Variants in SNX24 observed in about 807,000 individuals in gnomAD.
SNX24 encodes the protein sorting nexin 24, also known as sorting nexin-24.
SNX24 carries 22 observed loss-of-function variants against 28.7 expected under a neutral mutation model. The observed-to-expected ratio is 0.77, with a 90% CI of 0.55 to 1.10. The LOEUF is 1.10. Ranked by LOEUF, SNX24 falls within the 50% of genes least tolerant of loss-of-function variation. The pLI, the probability that SNX24 is intolerant of heterozygous loss-of-function variation, is 0.00. For synonymous variants in SNX24, 69 were observed against 71.5 expected, an observed-to-expected ratio of 0.96 and a Z score of 0.18; for missense variants, 221 against 201.1, an observed-to-expected ratio of 1.10 and a Z score of -0.60.
chr5:122,896,269 A>G (rs941348718), intron 1 of SNX24, among the ~76,000 whole-genome samples: 4 of 152,204 alleles, frequency 2.6e-5, no homozygotes, highest in Non-Finnish European at 5.9e-5. Flanking sequence ...TATGGCAGAC[A>G]TTGATGATTG....
At chr5:122,884,566 TA>T (rs933110751) in intron 1 of SNX24, among the ~76,000 whole-genome samples, 3 of 151,182 alleles carry the variant, frequency 2.0e-5, no homozygotes, top group East Asian at 1.9e-4. Context: ...CTTTATCACA[TA>T]AAAAAAAATG....
intron 3 of SNX24, among the ~76,000 whole-genome samples, chr5:122,949,874 T>C (rs1289321337): frequency 1.3e-5 from 2 of 152,202 alleles, no homozygotes; most frequent in African/African-American, 4.8e-5. Context: ...AAATCTATAA[T>C]TAATCAGGGA....
At chr5:122,951,314 C>A (rs193540) in intron 3 of SNX24, among the ~76,000 whole-genome samples, 114,288 of 148,872 alleles carry the variant, frequency 0.77, 44,727 homozygotes, top group East Asian at 0.99. Flanking sequence ...AGTCATAAAT[C>A]TCCTTGACTT....
At chr5:122,902,014 A>G (rs1279195153) in intron 1 of SNX24, among the ~76,000 whole-genome samples, 2 of 152,222 alleles carry the variant, frequency 1.3e-5, no homozygotes, top group East Asian at 1.9e-4. Flanking sequence ...CTATCTGCCC[A>G]GTTTTCCAAC....
chr5:122,847,692 C>G (rs980797978), intron 1 of SNX24, among the ~76,000 whole-genome samples: 3 of 152,134 alleles, frequency 2.0e-5, no homozygotes, highest in Middle Eastern at 3.4e-3. Context: ...CAGGGTTTCT[C>G]CATGTTGCCC....
At chr5:122,975,813 T>G (rs1452715201) in intron 3 of SNX24, among the ~76,000 whole-genome samples, 2 of 152,190 alleles carry the variant, frequency 1.3e-5, no homozygotes, top group African/African-American at 2.4e-5. Flanking sequence ...CTGCAAAGAT[T>G]AAAACAAAAC....
At chr5:122,893,334 A>G (rs1757062251) in intron 1 of SNX24, among the ~76,000 whole-genome samples, 3 of 151,542 alleles carry the variant, frequency 2.0e-5, no homozygotes, top group Admixed American at 2.0e-4. Flanking sequence ...TAAGATATGC[A>G]GGTTCACCTT....
chr5:122,845,750 C>A, intron 1 of SNX24, 57 bp downstream of exon 1: 1 of 1,104,220 alleles, frequency 9.1e-7, no homozygotes, highest in Non-Finnish European at 1.2e-6. Context: ...GGCTGCTGCG[C>A]CCAGGAAACA....
downstream of SNX24, among the ~76,000 whole-genome samples, chr5:123,011,587 G>C (rs1400000009): frequency 6.6e-6 from 1 of 152,142 alleles, no homozygotes; most frequent in Admixed American, 6.5e-5. Context: ...AACTTTGATC[G>C]ATTGACAATG....
chr5:122,846,280 G>A (rs11241662), intron 1 of SNX24, among the ~76,000 whole-genome samples: 122,441 of 151,978 alleles, frequency 0.81, 50,097 homozygotes, highest in East Asian at 0.99. Flanking sequence ...TCACCGAGAA[G>A]TGTGAAACAG....
In SNX24 at chr5:122,907,012, A is replaced by G. The variant is rs143269105; in HGVS notation, c.61-29722A>G. ...AGGAGATGATTTAAGTGGTGCCTAG[A>G]CATTGAATAACATTGACTCAAAAAG... On this transcript the variant is annotated intron_variant, in intron 1 of 6. Coordinates refer to ENST00000261369, the MANE Select transcript of SNX24 (RefSeq NM_014035.4). 3.2e-3 allele frequency among the ~76,000 whole-genome samples: 494 copies of G among 152,278 alleles called. 11 individuals are homozygous for G. Among genetic ancestry groups the G allele is most frequent in the Admixed American group, 0.027 (410 of 15,292 alleles).
At chr5:122,924,179 A>G (rs549237880) in intron 1 of SNX24, among the ~76,000 whole-genome samples, 1 of 152,310 alleles carries the variant, frequency 6.6e-6, no homozygotes, top group Admixed American at 6.5e-5. Context: ...TCCTATATAC[A>G]GACACCTGTG....
intron 3 of SNX24, among the ~76,000 whole-genome samples, chr5:122,964,001 G>A (rs151076108): frequency 2.6e-5 from 4 of 152,118 alleles, no homozygotes; most frequent in Admixed American, 1.3e-4. Context: ...CCAGGACTTC[G>A]GGAGGCTGAG....
At chr5:122,883,512 TG>T (rs2150063123) in intron 1 of SNX24, among the ~76,000 whole-genome samples, 1 of 152,376 alleles carries the variant, frequency 6.6e-6, no homozygotes, top group South Asian at 2.1e-4. Flanking sequence ...GCTTTAGTGA[TG>T]GTTAGCTTTT....
At chr5:122,896,042 G>A (rs1467591464) in intron 1 of SNX24, among the ~76,000 whole-genome samples, 5 of 152,266 alleles carry the variant, frequency 3.3e-5, no homozygotes, top group South Asian at 2.1e-4. Context: ...CCAGCTACTC[G>A]AGAGGCTGAG....
intron 1 of SNX24, among the ~76,000 whole-genome samples, chr5:122,891,840 A>G (rs1259952961): frequency 6.6e-6 from 1 of 152,194 alleles, no homozygotes; most frequent in Non-Finnish European, 1.5e-5. Flanking sequence ...AATGTTAGTT[A>G]TTGACTTGTG....
chr5:122,847,293 A>G (rs1481591857), intron 1 of SNX24, among the ~76,000 whole-genome samples: 1 of 152,058 alleles, frequency 6.6e-6, no homozygotes, highest in African/African-American at 2.4e-5. Context: ...CCAAAGCTTT[A>G]TGTATCTTTT....
At chr5:122,927,270 C>T (rs1188705486) in intron 1 of SNX24, among the ~76,000 whole-genome samples, 1 of 152,160 alleles carries the variant, frequency 6.6e-6, no homozygotes, top group Non-Finnish European at 1.5e-5. Flanking sequence ...GATTCAAATC[C>T]AAGGAGTTTG....
intron 1 of SNX24, among the ~76,000 whole-genome samples, chr5:122,905,427 A>G (rs549676927): frequency 1.5e-4 from 23 of 152,302 alleles, no homozygotes; most frequent in African/African-American, 5.5e-4. Context: ...AGGCTTAGGA[A>G]ATACAGGCTA....
Sources: gnomAD v4.1 joint callset for allele counts (sites outside exome capture counted in the v4.1 genomes callset) on GRCh38, gnomAD v4.1.1 for gene constraint, MANE v1.5 for transcripts, NCBI Gene and HGNC (gene_info 2026-07-23, HGNC 2026-07-21) for gene names.